FMNL2: variants seen among roughly 807,000 people sequenced by gnomAD.
FMNL2 encodes formin-like protein 2.
In FMNL2, 51 loss-of-function variants were observed where a neutral mutation model predicts 130.2. The ratio of observed to expected loss-of-function variants is 0.39; its 90% confidence interval spans 0.31 to 0.49. FMNL2 has a LOEUF of 0.49. Among genes scored for constraint, FMNL2 ranks in the 20% least tolerant of loss-of-function variants. The pLI, the probability that FMNL2 is intolerant of heterozygous loss-of-function variation, is 0.85. For synonymous variants in FMNL2, 465 were observed against 467.1 expected (o/e 1.00, Z 0.06); for missense variants, 977 against 1,316.2 (o/e 0.74, Z 3.99).
chr2:152,543,716 C>T (rs1189387916), intron 3 of FMNL2, among the ~76,000 whole-genome samples: 1 of 144,262 alleles, frequency 6.9e-6, no homozygotes, highest in Non-Finnish European at 1.5e-5. Flanking sequence ...CCCCTCACCG[C>T]CCACCCCCCG....
Position 152,560,905 on chromosome 2 carries a change from A to G in FMNL2, c.466A>G (p.Ser156Gly). Residue 156 changes from serine to glycine, a missense_variant, in exon 6 of 26, where the codon AGT (serine) becomes GGT (glycine). Coordinates refer to ENST00000288670, the MANE Select transcript of FMNL2 (RefSeq NM_052905.4). ...TAGTTTTGACTTTGAAAGTGTGGAG[A>G]GTACTGTGGAGAGCTCGGTGGACAA... ...AVTFDFESVE[S>G]TVESSVDKSK... The G allele has an allele frequency of 6.2e-7, 1 of 1,611,832 alleles. No homozygotes were observed. Among genetic ancestry groups the G allele is most frequent in the African/African-American group, 1.3e-5 (1 of 74,990 alleles).
At chr2:152,578,223 A>G (rs1399132332) in intron 7 of FMNL2, among the ~76,000 whole-genome samples, 1 of 152,144 alleles carries the variant, frequency 6.6e-6, no homozygotes, top group East Asian at 1.9e-4. Context: ...GTGAGTTTTG[A>G]GGAGAAAGAA....
At chr2:152,357,795 G>T (rs375920040) in intron 1 of FMNL2, among the ~76,000 whole-genome samples, 1 of 152,222 alleles carries the variant, frequency 6.6e-6, no homozygotes, top group Non-Finnish European at 1.5e-5. Flanking sequence ...GAGCCTAACC[G>T]TGTATTTCCG....
intron 9 of FMNL2, among the ~76,000 whole-genome samples, chr2:152,585,215 T>C (rs1270952754): frequency 1.3e-5 from 2 of 152,178 alleles, no homozygotes; most frequent in Non-Finnish European, 2.9e-5. Flanking sequence ...TGTGTTGAAA[T>C]ATCTCTTAAC....
intron 1 of FMNL2, among the ~76,000 whole-genome samples, chr2:152,387,788 G>T (rs980734033): frequency 6.6e-6 from 1 of 151,652 alleles, no homozygotes; most frequent in African/African-American, 2.4e-5. Context: ...TGAGTAGCTA[G>T]GTGTCATCAC....
At chr2:152,607,661 G>A in intron 10 of FMNL2, 2 of 305,228 alleles carry the variant, frequency 6.6e-6, no homozygotes, top group South Asian at 1.6e-4. Context: ...CAAATAAAGG[G>A]GAAGCCGTGC....
intron 11 of FMNL2, among the ~76,000 whole-genome samples, chr2:152,611,910 C>A (rs181432693): frequency 1.3e-5 from 2 of 152,314 alleles, no homozygotes; most frequent in East Asian, 3.9e-4. Context: ...AGTCTCATTG[C>A]ATCCTTCATC....
chr2:152,414,105 GT>G (rs1215267075), intron 1 of FMNL2, among the ~76,000 whole-genome samples: 3 of 150,784 alleles, frequency 2.0e-5, no homozygotes, highest in Non-Finnish European at 4.4e-5. Flanking sequence ...CCTGTTTTAT[GT>G]TTTTTTTTCC....
At chr2:152,625,335 C>T in intron 15 of FMNL2, 103 bp from the exon 16 acceptor site, 3 of 1,388,250 alleles carry the variant, frequency 2.2e-6, no homozygotes, top group Non-Finnish European at 2.9e-6. Context: ...TGCCAACCTT[C>T]CTCCAGTGTC....
At chr2:152,452,646 A>T (rs1688705915) in intron 1 of FMNL2, among the ~76,000 whole-genome samples, 1 of 152,086 alleles carries the variant, frequency 6.6e-6, no homozygotes, top group African/African-American at 2.4e-5. Context: ...ATCTGTGGGA[A>T]GTGAGGGGCT....
At chr2:152,440,713 G>A (rs145868486) in intron 1 of FMNL2, among the ~76,000 whole-genome samples, 80 of 152,256 alleles carry the variant, frequency 5.3e-4, no homozygotes, top group Non-Finnish European at 9.1e-4. Context: ...TATTAGTGCC[G>A]GAAGTCCTTA....
At chr2:152,541,109 C>T (rs62181860) in intron 2 of FMNL2, among the ~76,000 whole-genome samples, 4,546 of 152,212 alleles carry the variant, frequency 0.03, 88 homozygotes, top group Non-Finnish European at 0.046. Context: ...TTGGGTTGTA[C>T]GTAGAAAAGA....
chr2:152,373,980 A>G (rs1684031025), intron 1 of FMNL2, among the ~76,000 whole-genome samples: 2 of 152,072 alleles, frequency 1.3e-5, no homozygotes, highest in African/African-American at 4.8e-5. Context: ...ATTTTCCTGT[A>G]TGTTGTGATT....
rs144755008 is a variant in FMNL2, at chr2:152,413,386, A to G, written c.117+77666A>G. 3.3e-3 allele frequency among the ~76,000 whole-genome samples: 504 copies of G among 152,298 alleles called. 6 individuals are homozygous for G. Among genetic ancestry groups the G allele is most frequent in the Non-Finnish European group, 5.0e-3 (339 of 68,028 alleles). ...GTATGTAGTTGATTGATGCCGGGAA[A>G]GTTTGCTGCACCTAACAATGGTCTT... On this transcript the variant is annotated intron_variant, in intron 1 of 25. Coordinates refer to ENST00000288670, the MANE Select transcript of FMNL2 (RefSeq NM_052905.4).
intron 9 of FMNL2, among the ~76,000 whole-genome samples, chr2:152,602,368 C>T (rs1698124622): frequency 6.6e-6 from 1 of 152,164 alleles, no homozygotes; most frequent in Non-Finnish European, 1.5e-5. Context: ...TTTTCCAGGG[C>T]ATATACTTTT....
intron 1 of FMNL2, among the ~76,000 whole-genome samples, chr2:152,448,572 G>T (rs554528205): frequency 3.3e-4 from 50 of 152,150 alleles, no homozygotes; most frequent in African/African-American, 1.1e-3. Flanking sequence ...AACTCCTCGG[G>T]GTTTTCTCTT....
chr2:152,391,904 AGTT>A (rs1337854298), intron 1 of FMNL2, among the ~76,000 whole-genome samples: 1 of 83,918 alleles, frequency 1.2e-5, no homozygotes, highest in African/African-American at 3.9e-5. Flanking sequence ...GGGAGCTAGA[AGTT>A]GTTTTTTTTT....
In FMNL2 at chr2:152,628,332, G is replaced by A. The variant is rs767903085; in HGVS notation, c.2199G>A (p.Val733=). 4 of 1,614,048 alleles carry A rather than the reference G, an allele frequency of 2.5e-6. No individual in the cohort carries two copies. The highest frequency in any genetic ancestry group is 2.5e-6 in the Non-Finnish European group (3 of 1,179,894). Residue 733 remains valine, a synonymous_variant, in exon 18 of 26, where the codon GTG becomes GTA. Transcript: ENST00000288670. ...TGAAGACACTGCCTGTGGACTTTGTGGAATGCTTGATGCGGTTCCTACCAA... is the reference window on the plus strand; with the variant it reads ...TGAAGACACTGCCTGTGGACTTTGTAGAATGCTTGATGCGGTTCCTACCAA... ...FDLKTLPVDF[V]ECLMRFLPTE... is the part of the protein sequence containing the mutation.
At chr2:152,531,593 T>C (rs1052357519) in intron 2 of FMNL2, among the ~76,000 whole-genome samples, 6 of 151,910 alleles carry the variant, frequency 3.9e-5, no homozygotes, top group Non-Finnish European at 8.8e-5. Context: ...TCCTGCCTCC[T>C]GCCTCCCGAG....
Sources: allele counts gnomAD v4.1 joint callset (sites outside exome capture counted in the v4.1 genomes callset), GRCh38; gene constraint gnomAD v4.1.1; transcripts MANE v1.5; gene names NCBI Gene and HGNC (gene_info 2026-07-23, HGNC 2026-07-21).